RNLS: variants seen among roughly 807,000 people sequenced by gnomAD.
The protein encoded by RNLS is renalase, FAD dependent amine oxidase.
RNLS carries 39 observed loss-of-function variants against 39.8 expected under a neutral mutation model. That is an observed-to-expected ratio of 0.98 (90% CI 0.76 to 1.28). The LOEUF is 1.28. Among genes scored for constraint, RNLS ranks in the 50% most tolerant of loss-of-function variants. The probability of loss-of-function intolerance (pLI) is 0.00; values close to 1 mark genes in which losing one functional copy is unlikely to be tolerated. For synonymous variants in RNLS, 147 were observed against 150.7 expected, an observed-to-expected ratio of 0.98 and a Z score of 0.18; for missense variants, 410 against 413.3, an observed-to-expected ratio of 0.99 and a Z score of 0.07.
At chr10:88,371,401 T>C (rs550154512) in intron 4 of RNLS, among the ~76,000 whole-genome samples, 2 of 152,262 alleles carry the variant, frequency 1.3e-5, no homozygotes, top group South Asian at 4.1e-4. Context: ...CGTCTTTGTC[T>C]AGTAAACTGC....
intron 6 of RNLS, among the ~76,000 whole-genome samples, chr10:88,286,871 C>T (rs1843310079): frequency 6.6e-6 from 1 of 151,548 alleles, no homozygotes; most frequent in African/African-American, 2.4e-5. Context: ...TAGCTCACTG[C>T]ACTCTTGAAC....
intron 5 of RNLS, among the ~76,000 whole-genome samples, chr10:88,334,213 C>T (rs1320871236): frequency 6.6e-6 from 1 of 152,192 alleles, no homozygotes; most frequent in Non-Finnish European, 1.5e-5. Context: ...GCTCTTATTT[C>T]TCCACATTCT....
intron 5 of RNLS, among the ~76,000 whole-genome samples, chr10:88,337,808 C>G (rs1425123642): frequency 6.6e-6 from 1 of 152,184 alleles, no homozygotes; most frequent in Non-Finnish European, 1.5e-5. Flanking sequence ...TCACTTGCAA[C>G]TTAAACTATT....
chr10:88,532,769 T>C (rs981548329), intron 4 of RNLS, among the ~76,000 whole-genome samples: 2 of 151,984 alleles, frequency 1.3e-5, no homozygotes, highest in East Asian at 3.8e-4. Context: ...AAATCATAGA[T>C]ATTGAAAAAT....
At chr10:88,332,584 G>C (rs953848822) in intron 5 of RNLS, among the ~76,000 whole-genome samples, 10 of 152,212 alleles carry the variant, frequency 6.6e-5, no homozygotes, top group African/African-American at 2.4e-4. Context: ...AGGATTATAA[G>C]ATCTAAAGAA....
Position 88,455,948 on chromosome 10 carries a change from T to C in RNLS, c.527-93223A>G, listed in dbSNP as rs374145455. Among the ~76,000 whole-genome samples the C allele has an allele frequency of 7.4e-4, 112 of 152,346 alleles. 1 individual carries two copies. The highest frequency in any genetic ancestry group is 7.0e-3 in the South Asian group (34 of 4,830). On this transcript the variant is annotated intron_variant, in intron 4 of 6. Transcript: ENST00000331772. ...CCATTAAAAGCCTCCCAAGAGGACT[T>C]AGCTCCAGTGAGCATCGAACAGTTT... is the stretch of plus-strand genomic sequence containing the variant.
chr10:88,538,168 C>A (rs1249778665), intron 4 of RNLS, among the ~76,000 whole-genome samples: 1 of 152,132 alleles, frequency 6.6e-6, no homozygotes, highest in Non-Finnish European at 1.5e-5. Flanking sequence ...ATTTGTGATT[C>A]CGAATGAAAG....
chr10:88,332,945 C>A (rs1847216895), intron 5 of RNLS, among the ~76,000 whole-genome samples: 1 of 152,110 alleles, frequency 6.6e-6, no homozygotes, highest in African/African-American at 2.4e-5. Flanking sequence ...GCATAAGCAA[C>A]TCAGGTCTCT....
At chr10:88,294,222 T>C (rs900432836) in intron 6 of RNLS, among the ~76,000 whole-genome samples, 1 of 152,178 alleles carries the variant, frequency 6.6e-6, no homozygotes, top group Non-Finnish European at 1.5e-5. Context: ...CACATGCCTG[T>C]TTACACACAC....
intron 4 of RNLS, among the ~76,000 whole-genome samples, chr10:88,480,908 T>C (rs1036386246): frequency 6.6e-6 from 1 of 152,132 alleles, no homozygotes; most frequent in Non-Finnish European, 1.5e-5. Context: ...ATATTTTATG[T>C]TTTTTAGTTG....
At position 88,395,655 on chromosome 10, in the gene RNLS, G is replaced by C. The variant is rs145911739; in HGVS notation, c.527-32930C>G. On this transcript the variant is annotated intron_variant, in intron 4 of 6. Coordinates refer to ENST00000331772, the MANE Select transcript of RNLS (RefSeq NM_001031709.3). ...GCACAGTGGGAGTCACAGGAGAGGA[G>C]AGAAAGGAGTGGAAAGAATATATAT... Among the ~76,000 whole-genome samples the C allele has an allele frequency of 1.4e-3, 217 of 152,046 alleles. 1 individual carries two copies. Among genetic ancestry groups the C allele is most frequent in the African/African-American group, 4.9e-3 (205 of 41,506 alleles).
intron 5 of RNLS, among the ~76,000 whole-genome samples, chr10:88,355,608 G>A (rs1849100468): frequency 6.6e-6 from 1 of 152,172 alleles, no homozygotes; most frequent in Non-Finnish European, 1.5e-5. Context: ...CGTGTGACGT[G>A]TCAGTCTGCC....
At chr10:88,335,794 G>A (rs1847444680) in intron 5 of RNLS, among the ~76,000 whole-genome samples, 1 of 152,162 alleles carries the variant, frequency 6.6e-6, no homozygotes, top group African/African-American at 2.4e-5. Flanking sequence ...TTGATTTTTA[G>A]CAATAAATAT....
rs147731499 is a variant in RNLS, at chr10:88,456,818, T to C, written c.527-94093A>G. Among the ~76,000 whole-genome samples, 112 of 152,306 alleles carry C rather than the reference T, an allele frequency of 7.4e-4. 1 individual carries two copies. The highest frequency in any genetic ancestry group is 7.1e-3 in the South Asian group (34 of 4,820). ...AGTGTACTGTCAGTTTTGGTCCCAC[T>C]ATAGGGTTGGTTTCCTCCAGAAATG... On this transcript the variant is annotated intron_variant, in intron 4 of 6. Transcript: ENST00000331772.
intron 4 of RNLS, among the ~76,000 whole-genome samples, chr10:88,536,531 C>T (rs929761935): frequency 1.3e-5 from 2 of 152,054 alleles, no homozygotes; most frequent in Non-Finnish European, 2.9e-5. Context: ...TAATGTTCTA[C>T]AAGATCCTTT....
intron 4 of RNLS, among the ~76,000 whole-genome samples, chr10:88,378,767 C>T (rs1354753809): frequency 6.6e-6 from 1 of 152,184 alleles, no homozygotes; most frequent in Non-Finnish European, 1.5e-5. Flanking sequence ...TAAAAATGGA[C>T]TGTTTCCTTC....
chr10:88,277,988 G>A (rs1756970501), intron 6 of RNLS, among the ~76,000 whole-genome samples: 1 of 152,132 alleles, frequency 6.6e-6, no homozygotes, highest in African/African-American at 2.4e-5. Flanking sequence ...TTCAGCATCT[G>A]TTGAAATAAT....
chr10:88,236,484 C>G, the RNLS span, among the ~76,000 whole-genome samples: 1 of 152,108 alleles, frequency 6.6e-6, no homozygotes, highest in Non-Finnish European at 1.5e-5. Flanking sequence ...GAAAGGCTAC[C>G]CTTGATAGTA....
At chr10:88,332,969 T>C (rs1050628591) in intron 5 of RNLS, among the ~76,000 whole-genome samples, 3 of 152,178 alleles carry the variant, frequency 2.0e-5, no homozygotes, top group African/African-American at 7.2e-5. Context: ...TCCATCCTGA[T>C]TGTACACTTT....
Sources: gnomAD v4.1 joint callset for allele counts (sites outside exome capture counted in the v4.1 genomes callset) on GRCh38, gnomAD v4.1.1 for gene constraint, MANE v1.5 for transcripts, NCBI Gene and HGNC (gene_info 2026-07-23, HGNC 2026-07-21) for gene names.